Variants in PLXNA2 observed in about 807,000 individuals in gnomAD.
PLXNA2 encodes the protein plexin A2.
PLXNA2 carries 91 observed loss-of-function variants against 193.5 expected under a neutral mutation model. The observed-to-expected ratio is 0.47, with a 90% CI of 0.40 to 0.56. PLXNA2 has a LOEUF of 0.56. PLXNA2 is among the 20% of genes least tolerant of loss of function. The pLI is 0.00. For missense variants in PLXNA2, 1,995 were observed against 2,503.2 expected, an observed-to-expected ratio of 0.80 and a Z score of 4.33; for synonymous variants, 997 against 1,027.3, an observed-to-expected ratio of 0.97 and a Z score of 0.56.
intron 3 of PLXNA2, among the ~76,000 whole-genome samples, chr1:208,187,948 C>T (rs930660053): frequency 2.0e-5 from 3 of 152,160 alleles, no homozygotes; most frequent in African/African-American, 7.2e-5. Flanking sequence ...TCAATGTCTC[C>T]ATTTTAGGGA....
At chr1:208,085,466 T>C (rs1168502133) in intron 9 of PLXNA2, among the ~76,000 whole-genome samples, 2 of 152,228 alleles carry the variant, frequency 1.3e-5, no homozygotes, top group Non-Finnish European at 2.9e-5. Flanking sequence ...TCTGGGAATG[T>C]CTGGGGGCTG....
At chr1:208,150,421 A>C (rs192273796) in intron 3 of PLXNA2, among the ~76,000 whole-genome samples, 20 of 152,198 alleles carry the variant, frequency 1.3e-4, no homozygotes, top group Non-Finnish European at 2.4e-4. Flanking sequence ...GGCCATGGAG[A>C]TCTTTCTCCT....
rs534013929 is a variant in PLXNA2 at position 208,177,563 on chromosome 1, C to A, written c.1371+32717G>T. On this transcript the variant is annotated intron_variant, in intron 3 of 31. Transcript: ENST00000367033. The stretch of plus-strand genomic sequence containing the variant: ...ATCTTTTGAATAAATGAATAAACAA[C>A]ATGGAATTAGCAAGCTGGTCACATT... Among the ~76,000 whole-genome samples the A allele has an allele frequency of 3.3e-5, 5 of 152,342 alleles. 1 individual carries two copies. The highest frequency in any genetic ancestry group is 1.2e-4 in the African/African-American group (5 of 41,580).
chr1:208,073,458 A>C (rs2102371252), intron 12 of PLXNA2, among the ~76,000 whole-genome samples: 1 of 152,300 alleles, frequency 6.6e-6, no homozygotes, highest in Non-Finnish European at 1.5e-5. Flanking sequence ...AGCCTCCTTA[A>C]CCAGGAGTCA....
chr1:208,234,177 C>CA (rs1671779051), intron 1 of PLXNA2, among the ~76,000 whole-genome samples: 5 of 152,016 alleles, frequency 3.3e-5, no homozygotes, highest in Non-Finnish European at 7.4e-5. Flanking sequence ...AATTGGAGGG[C>CA]AGTGAATGGC....
chr1:208,219,082 G>T (rs1671237194), intron 1 of PLXNA2, among the ~76,000 whole-genome samples: 1 of 152,198 alleles, frequency 6.6e-6, no homozygotes, highest in African/African-American at 2.4e-5. Flanking sequence ...GCCTCAGTGG[G>T]CCATGCTCGA....
rs189535190 is a variant in PLXNA2 at position 208,028,180 on chromosome 1, G to A, written c.5439-21C>T. On this transcript the variant is annotated intron_variant, in intron 30 of 31. Coordinates refer to ENST00000367033, the MANE Select transcript of PLXNA2 (RefSeq NM_025179.4). This position sits in a 1 kb window ranked among gnomAD's most constrained non-coding sequence, Gnocchi z 4.2. ...AGTATCTGCCAGAGACAGGATAGGC[G>A]CCTTGGTGGAGGCCTCAGCAAACAT... The A allele has an allele frequency of 2.0e-4, 312 of 1,589,534 alleles. No individual in the cohort carries two copies. In the African/African-American group the frequency reaches 3.1e-3, roughly 16 times the overall value.
chr1:208,126,921 A>G (rs558228928), intron 4 of PLXNA2, among the ~76,000 whole-genome samples: 14 of 152,348 alleles, frequency 9.2e-5, no homozygotes, highest in African/African-American at 2.9e-4. Flanking sequence ...GCCCAGGGAC[A>G]GGTGACCTTT....
At chr1:208,178,420 A>G (rs972624985) in intron 3 of PLXNA2, among the ~76,000 whole-genome samples, 2 of 152,210 alleles carry the variant, frequency 1.3e-5, no homozygotes, top group Non-Finnish European at 2.9e-5. Flanking sequence ...GCTTGGCTGC[A>G]GCCCAGTGTT....
chr1:208,141,287 C>A (rs1264792930), intron 4 of PLXNA2, among the ~76,000 whole-genome samples: 1 of 152,134 alleles, frequency 6.6e-6, no homozygotes, highest in Non-Finnish European at 1.5e-5. Context: ...ATTCAGACTC[C>A]TTTTAAATTA....
chr1:208,103,307 G>A (rs1667158299), intron 4 of PLXNA2, 60 bp from the exon 5 acceptor site: 6 of 1,312,892 alleles, frequency 4.6e-6, no homozygotes, highest in South Asian at 1.3e-5. Flanking sequence ...GCAGGTGTGT[G>A]TCACACAGTC....
At chr1:208,201,973 A>ATTTTTTTTTTTT (rs59313982) in intron 3 of PLXNA2, among the ~76,000 whole-genome samples, 3 of 132,626 alleles carry the variant, frequency 2.3e-5, no homozygotes, top group African/African-American at 2.9e-5. Flanking sequence ...CAGGGCAAGA[A>ATTTTTTTTTTTT]TTTTTTTTTT....
At chr1:208,096,550 G>A (rs1271583229) in intron 7 of PLXNA2, among the ~76,000 whole-genome samples, 180 bp downstream of exon 7, 4 of 152,220 alleles carry the variant, frequency 2.6e-5, no homozygotes, top group Admixed American at 1.3e-4. Context: ...AGTGGAGCAA[G>A]TGTTTTCTTT....
At chr1:208,211,040 AC>A (rs1187608600) in intron 2 of PLXNA2, among the ~76,000 whole-genome samples, 3 of 152,346 alleles carry the variant, frequency 2.0e-5, no homozygotes, top group South Asian at 4.1e-4. Context: ...ATCTTTCCAT[AC>A]TGGAAAGAGA....
chr1:208,033,369 C>T lies in PLXNA2; in HGVS notation c.5005G>A (p.Gly1669Ser), dbSNP rs778091609. The change falls in exon 28 of 32, where the codon GGC (glycine) becomes AGC (serine). Residue 1669 changes from glycine to serine, a missense_variant. Coordinates refer to ENST00000367033, the MANE Select transcript of PLXNA2 (RefSeq NM_025179.4). ...TAGATCTCGGACACCATCTTGCTGC[C>T]CCGGTCACCCTCCTTCTGGTCACCG... Reference protein sequence around the residue: ...DHGDQKEGDRGSKMVSEIYLT... With the variant: ...DHGDQKEGDRSSKMVSEIYLT... 1.9e-6 allele frequency: 3 copies of T among 1,611,152 alleles called. No individual in the cohort carries two copies. The highest frequency in any genetic ancestry group is 3.3e-5 in the Admixed American group (2 of 59,822).
intron 4 of PLXNA2, among the ~76,000 whole-genome samples, chr1:208,128,695 CTTTTTTTTTTTTTTT>C (rs34853346): frequency 2.4e-5 from 2 of 81,682 alleles, no homozygotes; most frequent in Non-Finnish European, 4.6e-5. Flanking sequence ...CTGTTTCTTT[CTTTTTTTTTTTTTTT>C]TTTTTTTTTG....
rs961799227 is a variant in PLXNA2, at chr1:208,042,366, C to T, written c.4018G>A (p.Val1340Ile). The T allele has an allele frequency of 1.2e-6, 2 of 1,612,508 alleles. No individual in the cohort carries two copies. The highest frequency in any genetic ancestry group is 1.7e-6 in the Non-Finnish European group (2 of 1,178,814). ...ACGTGCTGCTGCCCGTTTCCTTGTA[C>T]CTGGGGTGGGGTGTGGTGGAGGCGA... is the stretch of plus-strand genomic sequence containing the variant. ...EDHPVLRELE[V>I]QGNGQQHVEK... The change falls in exon 22 of 32, where the codon GTA becomes ATA. Residue 1340 changes from valine to isoleucine, a missense_variant and splice_region_variant. Transcript: ENST00000367033.
chr1:208,167,315 G>A (rs1361021995), intron 3 of PLXNA2, among the ~76,000 whole-genome samples: 3 of 152,150 alleles, frequency 2.0e-5, no homozygotes, highest in Admixed American at 2.0e-4. Flanking sequence ...ACAGCAAAGT[G>A]GGCCGCTAAT....
chr1:208,042,949 AC>A, intron 21 of PLXNA2, 111 bp downstream of exon 21: 1 of 1,052,236 alleles, frequency 9.5e-7, no homozygotes, highest in Non-Finnish European at 1.4e-6. Context: ...CAAACTACTG[AC>A]CCCTCTTCCC....
Sources: allele counts gnomAD v4.1 joint callset (sites outside exome capture counted in the v4.1 genomes callset), GRCh38; gene constraint gnomAD v4.1.1; non-coding constraint Gnocchi (gnomAD v3.1); transcripts MANE v1.5; gene names NCBI Gene and HGNC (gene_info 2026-07-23, HGNC 2026-07-21).